The following NIPBL variants were observed in gnomAD, a reference collection of about 807,000 sequenced individuals.
The protein encoded by NIPBL is NIPBL cohesin loading factor.
Under a neutral mutation model 321.8 loss-of-function variants are expected in NIPBL, and 19 were observed. That is an observed-to-expected ratio of 0.06 (90% CI 0.04 to 0.09). NIPBL has a LOEUF of 0.09. Ranked by LOEUF, NIPBL falls within the 10% of genes least tolerant of loss-of-function variation. The pLI, the probability that NIPBL is intolerant of heterozygous loss-of-function variation, is 1.00. For synonymous variants in NIPBL, 1,106 were observed against 1,114.1 expected (o/e 0.99, Z 0.14); for missense variants, 2,210 against 3,327.0 (o/e 0.66, Z 8.26).
chr5:37,037,409 GTATA>G (rs759202070), intron 33 of NIPBL, among the ~76,000 whole-genome samples: 1 of 140,238 alleles, frequency 7.1e-6, no homozygotes, highest in African/African-American at 2.6e-5. Context: ...ATATATATAT[GTATA>G]TATATATATA....
In NIPBL at chr5:37,030,869, C is replaced by G. The variant is rs189658628; in HGVS notation, c.5862+3457C>G. Among the ~76,000 whole-genome samples the G allele has an allele frequency of 4.6e-3, 694 of 150,596 alleles. 5 individuals carry two copies. Among genetic ancestry groups the G allele is most frequent in the Non-Finnish European group, 7.5e-3 (510 of 67,786 alleles). ...TCCCTGGCTCAAGCAGTCCTCTTTC[C>G]TCAGCCTCCCAAGTAGCTGGAACCA... On this transcript the variant is annotated intron_variant, in intron 32 of 46. Transcript: ENST00000282516.
At chr5:36,952,053 TGCGC>T (rs1554010277) in intron 1 of NIPBL, among the ~76,000 whole-genome samples, 1,733 of 112,172 alleles carry the variant, frequency 0.015, 23 homozygotes, top group Admixed American at 0.024. Context: ...TGTGTGTGTG[TGCGC>T]GCGCGCGCGC....
At chr5:37,026,174 G>A (rs1750240484) in intron 30 of NIPBL, 55 bp from the exon 31 acceptor site, 6 of 1,025,650 alleles carry the variant, frequency 5.8e-6, no homozygotes, top group Non-Finnish European at 9.1e-6. Flanking sequence ...ATTTGGAATT[G>A]TGAAATTGCC....
chr5:37,009,861 A>T (rs1747900898), intron 20 of NIPBL, among the ~76,000 whole-genome samples: 1 of 152,210 alleles, frequency 6.6e-6, no homozygotes, highest in Admixed American at 6.5e-5. Flanking sequence ...ATTTGTATTA[A>T]ATACTGTATT....
At chr5:36,923,319 AAAAC>A (rs887545189) in intron 1 of NIPBL, among the ~76,000 whole-genome samples, 22 of 152,210 alleles carry the variant, frequency 1.4e-4, no homozygotes, top group Admixed American at 2.6e-4. Flanking sequence ...ACAAAAAACA[AAAAC>A]AAACAACAAC....
At chr5:36,988,888 A>G (rs1011923797) in intron 10 of NIPBL, among the ~76,000 whole-genome samples, 8 of 152,312 alleles carry the variant, frequency 5.3e-5, no homozygotes, top group African/African-American at 1.9e-4. Flanking sequence ...GTATAGATTT[A>G]TTACTCCTAA....
At chr5:36,951,493 C>T (rs1299602864) in intron 1 of NIPBL, among the ~76,000 whole-genome samples, 1 of 152,108 alleles carries the variant, frequency 6.6e-6, no homozygotes, top group Non-Finnish European at 1.5e-5. Context: ...TCAATGGTTT[C>T]TTTCCATTAA....
chr5:36,977,867 C>T (rs968534905), intron 9 of NIPBL, among the ~76,000 whole-genome samples: 4 of 151,812 alleles, frequency 2.6e-5, no homozygotes, highest in Admixed American at 6.6e-5. Flanking sequence ...GTTTCATTTT[C>T]TGTTTCTGCA....
At chr5:36,963,066 C>T (rs1741810547) in intron 6 of NIPBL, among the ~76,000 whole-genome samples, 1 of 151,916 alleles carries the variant, frequency 6.6e-6, no homozygotes, top group South Asian at 2.1e-4. Flanking sequence ...GATTAAATTA[C>T]CAGTTCTTAC....
chr5:37,048,997 C>T (rs893598742), intron 39 of NIPBL, 114 bp from the exon 40 acceptor site: 7 of 1,038,456 alleles, frequency 6.7e-6, no homozygotes, highest in Non-Finnish European at 7.4e-6. Context: ...AACCATTGAG[C>T]CAGAACACTA....
rs182809288 is a variant in NIPBL at position 37,065,993 on chromosome 5, C to G, written c.*1101C>G. On this transcript the variant is annotated 3_prime_UTR_variant, in exon 47 of 47. Transcript: ENST00000282516. The stretch of plus-strand genomic sequence containing the variant: ...GAATATGACACTTCATAATTACACT[C>G]ACTACATTTTTCACAAATTATTTTT... The G allele has an allele frequency of 6.6e-6, 1 of 152,334 alleles. No homozygotes were observed. Among genetic ancestry groups the G allele is most frequent in the East Asian group, 1.9e-4 (1 of 5,182 alleles). The allele number at this position is 152,334 out of a possible 1,614,324, so 9.4% of individuals were successfully genotyped here. A position where few individuals can be genotyped will look rare whatever the true frequency, so the allele number is the denominator to read the frequency against.
rs1452001990 is a variant in NIPBL, at chr5:37,066,150, CAGG to C, written c.*1262_*1264del. On this transcript the variant is annotated 3_prime_UTR_variant, in exon 47 of 47. Coordinates refer to ENST00000282516, the MANE Select transcript of NIPBL (RefSeq NM_133433.4). ...CTTACTGCAGATATCTTGACTAAAT[CAGG>C]AGGGAGGTGTTTAATCATTTGATAT... The C allele has an allele frequency of 5.3e-5, 8 of 152,124 alleles. No homozygotes were observed. Among genetic ancestry groups the C allele is most frequent in the Non-Finnish European group, 1.2e-4 (8 of 68,006 alleles). The allele number at this position is 152,124 out of a possible 1,614,324, so 9.4% of individuals were successfully genotyped here. A position where few individuals can be genotyped will look rare whatever the true frequency, so the allele number is the denominator to read the frequency against.
chr5:36,985,734 A>G lies in NIPBL; in HGVS notation c.2554A>G (p.Asn852Asp). The G allele has an allele frequency of 6.2e-7, 1 of 1,613,920 alleles. No homozygotes were observed. Among genetic ancestry groups the G allele is most frequent in the Non-Finnish European group, 8.5e-7 (1 of 1,179,952 alleles). The stretch of plus-strand genomic sequence containing the variant: ...AGAAACATTGAGATCCTCTAGTAGA[A>G]ATGAACATGGCATTAAATCTGATAG... ...RPETLRSSSR[N>D]EHGIKSDSSK... The change falls in exon 10 of 47, where the codon AAT (asparagine) becomes GAT (aspartate). Residue 852 changes from asparagine to aspartate, a missense_variant. Physicochemically the swap from Asn to Asp is conservative, Grantham distance 23. This residue lies in a region of NIPBL where 588 missense variants were observed against 564.1 expected (regional missense o/e 1.04). Transcript: ENST00000282516.
Position 36,954,068 on chromosome 5 carries a change from A to T in NIPBL, c.64+308A>T, listed in dbSNP as rs996524802. 2.0e-5 allele frequency among the ~76,000 whole-genome samples: 3 copies of T among 152,282 alleles called. No homozygotes were observed. In the East Asian group the frequency reaches 5.8e-4, roughly 29 times the overall value. On this transcript the variant is annotated intron_variant, in intron 2 of 46. Coordinates refer to ENST00000282516, the MANE Select transcript of NIPBL (RefSeq NM_133433.4). Reference sequence around the variant, plus strand: ...TTTGAGATTTATTTAATGTAACTCAATTTTTCAGAGATTTATTCTTTTGTT... The same window carrying T: ...TTTGAGATTTATTTAATGTAACTCATTTTTTCAGAGATTTATTCTTTTGTT...
At chr5:36,978,129 G>A (rs1022529364) in intron 9 of NIPBL, among the ~76,000 whole-genome samples, 1 of 151,896 alleles carries the variant, frequency 6.6e-6, no homozygotes, top group Admixed American at 6.6e-5. Context: ...CCCAGTAGTG[G>A]GATTACTAGG....
intron 1 of NIPBL, among the ~76,000 whole-genome samples, chr5:36,918,310 A>T (rs1189036991): frequency 6.6e-6 from 1 of 151,996 alleles, no homozygotes; most frequent in Non-Finnish European, 1.5e-5. Flanking sequence ...TTCACTCATG[A>T]TTTGGCTCTC....
intron 27 of NIPBL, 106 bp downstream of exon 27, chr5:37,020,983 G>T (rs1749560883): frequency 1.2e-6 from 1 of 865,216 alleles, no homozygotes; most frequent in African/African-American, 1.6e-5. Flanking sequence ...ATACTTAAAA[G>T]ATCATAGATG....
At chr5:36,982,486 T>C (rs1238626207) in intron 9 of NIPBL, among the ~76,000 whole-genome samples, 3 of 151,844 alleles carry the variant, frequency 2.0e-5, no homozygotes, top group African/African-American at 4.8e-5. Flanking sequence ...TAAAGTACTT[T>C]TCAGTAGTTG....
Position 37,041,266 on chromosome 5 carries a change from T to TTTTG in NIPBL, c.6108+2531_6108+2532insGTTT, listed in dbSNP as rs1284587261. On this transcript the variant is annotated intron_variant, in intron 34 of 46. Coordinates refer to ENST00000282516, the MANE Select transcript of NIPBL (RefSeq NM_133433.4). ...GTTATGTGGTGGTTTTTTTTTTTTT[T>TTTTG]TTTTTTTTTTTTTTTGAGACTGAGG... Among the ~76,000 whole-genome samples the TTTTG allele has an allele frequency of 2.4e-5, 3 of 126,890 alleles. No homozygotes were observed. In the South Asian group the frequency reaches 8.1e-4, roughly 34 times the overall value. The allele number at this position is 126,890 out of a possible 152,430, so 83.2% of individuals were successfully genotyped here.
Sources: allele counts gnomAD v4.1 joint callset (sites outside exome capture counted in the v4.1 genomes callset), GRCh38; gene constraint gnomAD v4.1.1; regional missense constraint gnomAD v4.1.1; transcripts MANE v1.5; gene names NCBI Gene and HGNC (gene_info 2026-07-23, HGNC 2026-07-21).